Variants in SYNE1 observed in about 807,000 individuals in gnomAD.
SYNE1 encodes spectrin repeat containing nuclear envelope protein 1, also known as nesprin-1.
In SYNE1, 616 loss-of-function variants were observed where a neutral mutation model predicts 1,111.0. That is an observed-to-expected ratio of 0.55 (90% CI 0.52 to 0.59). SYNE1 has a LOEUF of 0.59. Among genes scored for constraint, SYNE1 ranks in the 20% least tolerant of loss-of-function variants. The pLI, the probability that SYNE1 is intolerant of heterozygous loss-of-function variation, is 0.00. For missense variants in SYNE1, 10,006 were observed against 10,417.0 expected (o/e 0.96, Z 1.72); for synonymous variants, 3,855 against 3,825.8 (o/e 1.01, Z -0.28).
At chr6:152,363,371 G>A (rs1395292794) in intron 63 of SYNE1, among the ~76,000 whole-genome samples, 3 of 150,064 alleles carry the variant, frequency 2.0e-5, no homozygotes, top group Admixed American at 6.6e-5. Context: ...GCGGGCGCCT[G>A]TAGTACCAGC....
At chr6:152,391,794 G>A in intron 51 of SYNE1, among the ~76,000 whole-genome samples, 1 of 152,100 alleles carries the variant, frequency 6.6e-6, no homozygotes, top group South Asian at 2.1e-4. Context: ...AGTCTGTGCT[G>A]TGCCTGCATC....
chr6:152,227,787 C>A lies in SYNE1; in HGVS notation c.21196-1911G>T, dbSNP rs536835478. On this transcript the variant is annotated intron_variant, in intron 115 of 145. Coordinates refer to ENST00000367255, the MANE Select transcript of SYNE1 (RefSeq NM_182961.4). The stretch of plus-strand genomic sequence containing the variant: ...TTGCTTAGAAACTATTTCTAAAATG[C>A]CCTGCACACGTATGTTGGTAGAAGA... 7.9e-5 allele frequency among the ~76,000 whole-genome samples: 12 copies of A among 152,086 alleles called. No homozygotes were observed. In the East Asian group the frequency reaches 2.3e-3, roughly 29 times the overall value.
chr6:152,388,376 T>C (rs2097555834), intron 53 of SYNE1, among the ~76,000 whole-genome samples: 1 of 152,114 alleles, frequency 6.6e-6, no homozygotes, highest in African/African-American at 2.4e-5. Flanking sequence ...GCCTCCCGAG[T>C]AGCTGGGACT....
At chr6:152,167,110 A>G (rs916905103) in intron 130 of SYNE1, among the ~76,000 whole-genome samples, 6 of 152,206 alleles carry the variant, frequency 3.9e-5, no homozygotes, top group African/African-American at 1.4e-4. Context: ...ATAAATCTGT[A>G]AGTCCCTGCA....
At chr6:152,550,790 A>T (rs2099341855) in intron 3 of SYNE1, among the ~76,000 whole-genome samples, 1 of 152,164 alleles carries the variant, frequency 6.6e-6, no homozygotes, top group Non-Finnish European at 1.5e-5. Context: ...ATTGAGAGTG[A>T]ACCATAATAA....
At chr6:152,293,860 T>C (rs1374280632) in intron 94 of SYNE1, 100 bp downstream of exon 94, 1 of 1,608,222 alleles carries the variant, frequency 6.2e-7, no homozygotes, top group Non-Finnish European at 8.5e-7. Flanking sequence ...GGTACTCAAC[T>C]GTGGACTGGA....
At chr6:152,256,609 A>G (rs2090930880) in intron 102 of SYNE1, 25 bp downstream of exon 102, 1 of 1,612,806 alleles carries the variant, frequency 6.2e-7, no homozygotes, top group Admixed American at 1.7e-5. Flanking sequence ...AAACCAAGCC[A>G]AACACACTGA....
At chr6:152,458,054 GTCTT>G (rs1183153561) in intron 22 of SYNE1, among the ~76,000 whole-genome samples, 4 of 151,548 alleles carry the variant, frequency 2.6e-5, no homozygotes, top group African/African-American at 9.7e-5. Context: ...TTCTTATAGT[GTCTT>G]TCTACTAGCA....
intron 4 of SYNE1, among the ~76,000 whole-genome samples, chr6:152,535,033 CT>C (rs1285533233): frequency 1.3e-5 from 2 of 152,234 alleles, no homozygotes; most frequent in African/African-American, 4.8e-5. Flanking sequence ...CCCCAAAATG[CT>C]GCAGAATGCA....
intron 5 of SYNE1, 56 bp downstream of exon 5, chr6:152,526,024 C>T: frequency 6.5e-7 from 1 of 1,534,884 alleles, no homozygotes; most frequent in South Asian, 1.1e-5. Flanking sequence ...CTCCATAGTC[C>T]CCAAATTCCA....
At chr6:152,602,535 G>C (rs1051696172) in intron 3 of SYNE1, among the ~76,000 whole-genome samples, 2 of 152,108 alleles carry the variant, frequency 1.3e-5, no homozygotes, top group Non-Finnish European at 2.9e-5. Context: ...TCCTAGCAAG[G>C]TAACACAGGT....
intron 34 of SYNE1, among the ~76,000 whole-genome samples, chr6:152,432,065 C>T (rs1355444948): frequency 6.6e-6 from 1 of 152,070 alleles, no homozygotes; most frequent in African/African-American, 2.4e-5. Context: ...ATACGAATCA[C>T]TCAATCATAT....
chr6:152,519,733 T>C (rs1173240110), intron 6 of SYNE1, among the ~76,000 whole-genome samples: 1 of 152,170 alleles, frequency 6.6e-6, no homozygotes, highest in Non-Finnish European at 1.5e-5. Flanking sequence ...AAACTTAGCA[T>C]AGTCTCAATT....
At chr6:152,219,922 C>G (rs995430560) in intron 119 of SYNE1, among the ~76,000 whole-genome samples, 1 of 152,162 alleles carries the variant, frequency 6.6e-6, no homozygotes, top group Non-Finnish European at 1.5e-5. Flanking sequence ...TGCTGGTATC[C>G]CACTCAGTCA....
At chr6:152,543,130 G>C (rs1030069230) in intron 3 of SYNE1, among the ~76,000 whole-genome samples, 3 of 152,018 alleles carry the variant, frequency 2.0e-5, no homozygotes, top group Non-Finnish European at 4.4e-5. Flanking sequence ...AATTTCATCT[G>C]ATGGTAAATC....
chr6:152,565,251 C>T (rs1364052088), intron 3 of SYNE1, among the ~76,000 whole-genome samples: 2 of 152,186 alleles, frequency 1.3e-5, no homozygotes, highest in Non-Finnish European at 2.9e-5. Context: ...GGTATATTTA[C>T]TGAGCAAATC....
At chr6:152,489,466 T>G in intron 11 of SYNE1, among the ~76,000 whole-genome samples, 1 of 151,334 alleles carries the variant, frequency 6.6e-6, no homozygotes, top group Admixed American at 6.6e-5. Context: ...TCTTTTTTTT[T>G]TTTTTTTTTC....
At chr6:152,317,959 T>C (rs1046592571) in intron 86 of SYNE1, 122 bp downstream of exon 86, 1 of 1,329,496 alleles carries the variant, frequency 7.5e-7, no homozygotes, top group African/African-American at 1.5e-5. Flanking sequence ...AAGCTACACC[T>C]AAACTACTCT....
intron 2 of SYNE1, among the ~76,000 whole-genome samples, chr6:152,632,834 C>A (rs2099700140): frequency 6.6e-6 from 1 of 152,148 alleles, no homozygotes; most frequent in South Asian, 2.1e-4. Flanking sequence ...GATTGATTGG[C>A]ATGTAGCAGA....
Sources: gnomAD v4.1 joint callset for allele counts (sites outside exome capture counted in the v4.1 genomes callset) on GRCh38, gnomAD v4.1.1 for gene constraint, MANE v1.5 for transcripts, NCBI Gene and HGNC (gene_info 2026-07-23, HGNC 2026-07-21) for gene names.